Variants in TG observed in about 807,000 individuals in gnomAD.
TG encodes thyroid hormones.
In TG, 270 loss-of-function variants were observed where a neutral mutation model predicts 324.7. The ratio of observed to expected loss-of-function variants is 0.83; its 90% CI spans 0.75 to 0.92. The LOEUF is 0.92. TG is among the 40% of genes least tolerant of loss of function. TG has a pLI of 0.00. For synonymous variants in TG, 1,401 were observed against 1,327.0 expected (o/e 1.06, Z -1.21); for missense variants, 3,591 against 3,456.4 (o/e 1.04, Z -0.98).
intron 43 of TG, among the ~76,000 whole-genome samples, chr8:133,100,723 G>A (rs923138488): frequency 1.3e-5 from 2 of 152,118 alleles, no homozygotes; most frequent in Admixed American, 6.5e-5. Flanking sequence ...TACCATCAAC[G>A]GTATGCTGGG....
At chr8:133,057,405 A>G (rs553458544) in intron 41 of TG, among the ~76,000 whole-genome samples, 5 of 152,390 alleles carry the variant, frequency 3.3e-5, no homozygotes, top group South Asian at 4.1e-4. Context: ...AAAGCAAATT[A>G]CAGAACTACC....
intron 41 of TG, among the ~76,000 whole-genome samples, chr8:133,043,583 A>G (rs1838738051): frequency 6.6e-6 from 1 of 151,918 alleles, no homozygotes; most frequent in African/African-American, 2.4e-5. Context: ...ATATTCACCC[A>G]CCTCCCATAA....
chr8:132,887,255 A>T lies in TG; in HGVS notation c.1883A>T (p.Asp628Val). The change falls in exon 9 of 48, where the codon GAT (aspartate) becomes GTT (valine). Residue 628 changes from aspartate (D) to valine (V), a missense_variant. Physicochemically the swap from Asp to Val is radical, Grantham distance 152. Transcript: ENST00000220616. ...TGCACGACAGAAGGAAGCTATGAGGATGTCCAATGCTTTTCCGGAGAGTGC... is the reference window on the plus strand; with the variant it reads ...TGCACGACAGAAGGAAGCTATGAGGTTGTCCAATGCTTTTCCGGAGAGTGC... ...PSCTTEGSYE[D>V]VQCFSGECWC... is the part of the protein sequence containing the mutation. The T allele has an allele frequency of 6.2e-7, 1 of 1,603,618 alleles. No individual in the cohort carries two copies. Among genetic ancestry groups the T allele is most frequent in the Non-Finnish European group, 8.5e-7 (1 of 1,173,912 alleles).
At position 132,908,214 on chromosome 8, in the gene TG, C is replaced by A; in HGVS notation, c.3876C>A (p.Thr1292=). The part of the protein sequence containing the change: ...QRPQLWQTIQ[T]QGHFQLQLPP... ...CCCAGCTGTGGCAGACCATCCAGAC[C>A]CAAGGGCACTTTCAGCTCCAGCTCC... The change falls in exon 18 of 48, where the codon ACC becomes ACA. Residue 1292 remains threonine, a synonymous_variant. Transcript: ENST00000220616. The A allele has an allele frequency of 1.2e-6, 2 of 1,614,002 alleles. No individual in the cohort carries two copies. Among genetic ancestry groups the A allele is most frequent in the Non-Finnish European group, 1.7e-6 (2 of 1,179,992 alleles).
chr8:132,933,434 TTGTGTGTGTGTGTG>T, intron 23 of TG, 113 bp from the exon 24 acceptor site: 2 of 680,232 alleles, frequency 2.9e-6, no homozygotes, highest in South Asian at 1.5e-5. Context: ...ATCTGCATAT[TTGTGTGTGTGTGTG>T]TGTGTGTGTG....
chr8:132,954,331 A>G (rs1413692007), intron 27 of TG, among the ~76,000 whole-genome samples: 1 of 152,196 alleles, frequency 6.6e-6, no homozygotes, highest in Non-Finnish European at 1.5e-5. Flanking sequence ...TTTGTGTCTT[A>G]GTTTATAGTT....
chr8:133,066,325 C>CAAAAA (rs11395047), intron 41 of TG, among the ~76,000 whole-genome samples: 5 of 87,086 alleles, frequency 5.7e-5, no homozygotes, highest in African/African-American at 8.6e-5. Context: ...GACTCTGTCT[C>CAAAAA]AAAAAAAAAA....
At chr8:133,050,915 C>T (rs772693601) in intron 41 of TG, 17 of 1,606,888 alleles carry the variant, frequency 1.1e-5, no homozygotes, top group Non-Finnish European at 1.4e-5. Context: ...GCTATCCAGT[C>T]CTGGGGAAAC....
intron 38 of TG, among the ~76,000 whole-genome samples, chr8:133,018,319 G>T (rs1284200045): frequency 6.6e-6 from 1 of 152,096 alleles, no homozygotes; most frequent in African/African-American, 2.4e-5. Flanking sequence ...CCTGGACATT[G>T]ATCCAGGAAG....
At chr8:132,927,080 T>C (rs1361733326) in intron 22 of TG, among the ~76,000 whole-genome samples, 2 of 152,212 alleles carry the variant, frequency 1.3e-5, no homozygotes, top group African/African-American at 4.8e-5. Context: ...TGCTGAAGAT[T>C]TCATATACCA....
intron 41 of TG, among the ~76,000 whole-genome samples, chr8:133,077,347 G>A (rs1325996702): frequency 6.6e-6 from 1 of 152,190 alleles, no homozygotes; most frequent in African/African-American, 2.4e-5. Context: ...AGGATGCAGA[G>A]CCCTGGAGGT....
At chr8:132,874,166 C>T (rs1053701055) in intron 5 of TG, among the ~76,000 whole-genome samples, 3 of 151,718 alleles carry the variant, frequency 2.0e-5, no homozygotes, top group Admixed American at 2.0e-4. Context: ...AGTGAGACTC[C>T]ATCTCAAAAG....
intron 27 of TG, among the ~76,000 whole-genome samples, chr8:132,951,512 T>C (rs1826095172): frequency 6.6e-6 from 1 of 152,232 alleles, no homozygotes; most frequent in Non-Finnish European, 1.5e-5. Flanking sequence ...ACCCAGAGCA[T>C]GTGCTTGATA....
intron 2 of TG, among the ~76,000 whole-genome samples, chr8:132,868,866 A>G (rs1839216019): frequency 6.6e-6 from 1 of 152,212 alleles, no homozygotes; most frequent in Non-Finnish European, 1.5e-5. Flanking sequence ...ATGTGCATGC[A>G]TTGAAATTTC....
chr8:133,036,444 A>C (rs1426877470), intron 41 of TG, among the ~76,000 whole-genome samples: 2 of 152,250 alleles, frequency 1.3e-5, no homozygotes, highest in Non-Finnish European at 2.9e-5. Flanking sequence ...AGTAACGTGC[A>C]GAAAATCTAG....
In TG at chr8:132,952,749, A is replaced by T. The variant is rs1028105387; in HGVS notation, c.5401+3806A>T. Among the ~76,000 whole-genome samples the T allele has an allele frequency of 2.0e-5, 3 of 152,330 alleles. No homozygotes were observed. In the East Asian group the frequency reaches 5.8e-4, roughly 29 times the overall value. ...AGCACTTTCACGTACAACTCAATCG[A>T]TCCTTTGGGCACTCTGGTGAGGCAG... On this transcript the variant is annotated intron_variant, in intron 27 of 47. Coordinates refer to ENST00000220616, the MANE Select transcript of TG (RefSeq NM_003235.5).
At chr8:133,042,885 G>T (rs895915637) in intron 41 of TG, among the ~76,000 whole-genome samples, 34 of 151,478 alleles carry the variant, frequency 2.2e-4, no homozygotes, top group African/African-American at 7.7e-4. Context: ...GTGCAGACAG[G>T]GTTTCACCAT....
chr8:133,035,243 C>T (rs1190788103), intron 41 of TG, among the ~76,000 whole-genome samples: 2 of 152,174 alleles, frequency 1.3e-5, no homozygotes, highest in East Asian at 1.9e-4. Context: ...TTATTTATAA[C>T]ATTTTATTTA....
At chr8:133,124,631 T>G (rs1361792330) in intron 45 of TG, among the ~76,000 whole-genome samples, 3 of 152,274 alleles carry the variant, frequency 2.0e-5, no homozygotes, top group Non-Finnish European at 4.4e-5. Context: ...ATTAAACATC[T>G]GGCTCATTGC....
Sources: allele counts gnomAD v4.1 joint callset (sites outside exome capture counted in the v4.1 genomes callset), GRCh38; gene constraint gnomAD v4.1.1; transcripts MANE v1.5; gene names NCBI Gene and HGNC (gene_info 2026-07-23, HGNC 2026-07-21).